IQSEC1: variants seen among roughly 807,000 people sequenced by gnomAD.
The protein encoded by IQSEC1 is IQ motif and SEC7 domain-containing protein 1.
Under a neutral mutation model 91.0 loss-of-function variants are expected in IQSEC1, and 31 were observed. The observed-to-expected ratio is 0.34, with a 90% CI of 0.26 to 0.46. The LOEUF (loss-of-function observed/expected upper bound fraction) is 0.46, where lower values mean the gene tolerates loss of function less well. Among genes scored for constraint, IQSEC1 ranks in the 20% least tolerant of loss-of-function variants. IQSEC1 has a pLI of 1.00. For synonymous variants in IQSEC1, 699 were observed against 662.6 expected (o/e 1.05, Z -0.84); for missense variants, 1,388 against 1,575.6 (o/e 0.88, Z 2.02).
At chr3:13,086,169 G>A (rs1433893369) in intron 2 of IQSEC1, among the ~76,000 whole-genome samples, 1 of 152,242 alleles carries the variant, frequency 6.6e-6, no homozygotes, top group Non-Finnish European at 1.5e-5. Context: ...CTTGCCTGCT[G>A]TATGACCCTG....
chr3:13,199,316 G>T (rs1358071986), intron 1 of IQSEC1, among the ~76,000 whole-genome samples: 1 of 152,194 alleles, frequency 6.6e-6, no homozygotes, highest in African/African-American at 2.4e-5. Context: ...GACAGCTTGG[G>T]CTGGGGACTC....
At chr3:13,015,252 C>T (rs929292628) in intron 1 of IQSEC1, among the ~76,000 whole-genome samples, 2 of 152,138 alleles carry the variant, frequency 1.3e-5, no homozygotes, top group Non-Finnish European at 2.9e-5. Context: ...GGCAGCGACC[C>T]AACACTCCCT....
chr3:13,203,860 T>A (rs575509583), intron 1 of IQSEC1, among the ~76,000 whole-genome samples: 6 of 152,168 alleles, frequency 3.9e-5, no homozygotes, highest in Non-Finnish European at 8.8e-5. Context: ...ACCTAACACG[T>A]GCGGGGCCCT....
chr3:13,150,706 G>T (rs1425250373), intron 2 of IQSEC1, among the ~76,000 whole-genome samples: 1 of 152,172 alleles, frequency 6.6e-6, no homozygotes, highest in Non-Finnish European at 1.5e-5. Flanking sequence ...ACAGTGGGTG[G>T]GAGCTGAGTG....
At position 12,913,423 on chromosome 3, in the gene IQSEC1, C is replaced by T. The variant is rs1258075560; in HGVS notation, c.2316+5G>A. The T allele has an allele frequency of 1.1e-5, 17 of 1,588,706 alleles. No homozygotes were observed. Among genetic ancestry groups the T allele is most frequent in the Non-Finnish European group, 1.5e-5 (17 of 1,164,926 alleles). On this transcript the variant is annotated splice_donor_5th_base_variant and intron_variant, in intron 9 of 13. Coordinates refer to ENST00000613206, the MANE Select transcript of IQSEC1 (RefSeq NM_001134382.3). ...GCTACAATGCCTTGTGGGTGAGCCA[C>T]ATACCACCAGGAGGTCGTTGAACAG...
chr3:12,921,663 T>C (rs1258099083), intron 5 of IQSEC1, among the ~76,000 whole-genome samples: 1 of 151,968 alleles, frequency 6.6e-6, no homozygotes, highest in African/African-American at 2.4e-5. Context: ...ACAGAGCCGG[T>C]AAGTGGTAGA....
chr3:13,141,092 G>C (rs1438269218), intron 2 of IQSEC1, among the ~76,000 whole-genome samples: 4 of 152,236 alleles, frequency 2.6e-5, no homozygotes, highest in Admixed American at 6.5e-5. Context: ...TTTCCTACGA[G>C]CACGGAAAAT....
chr3:12,953,542 C>T (rs1453732884), intron 1 of IQSEC1, among the ~76,000 whole-genome samples: 1 of 152,220 alleles, frequency 6.6e-6, no homozygotes, highest in Non-Finnish European at 1.5e-5. Context: ...AAGCGGGAGG[C>T]TATTTTTAGA....
chr3:13,185,790 A>G (rs1457218286), intron 1 of IQSEC1, among the ~76,000 whole-genome samples: 4 of 152,252 alleles, frequency 2.6e-5, no homozygotes, highest in Non-Finnish European at 5.9e-5. Flanking sequence ...TTGACACACC[A>G]GGAGATCCAT....
chr3:13,022,099 A>G (rs1576178720), intron 1 of IQSEC1: 1 of 1,231,474 alleles, frequency 8.1e-7, no homozygotes, highest in African/African-American at 1.6e-5. Context: ...ATACCCCTTC[A>G]TGCCTGGCTC....
At chr3:13,141,004 C>A (rs1444332423) in intron 2 of IQSEC1, among the ~76,000 whole-genome samples, 1 of 152,238 alleles carries the variant, frequency 6.6e-6, no homozygotes, top group Non-Finnish European at 1.5e-5. Context: ...GACCCTCTGA[C>A]AGGGAGGGCA....
chr3:13,192,752 C>T (rs1404549586), intron 1 of IQSEC1, among the ~76,000 whole-genome samples: 2 of 152,268 alleles, frequency 1.3e-5, no homozygotes, highest in African/African-American at 2.4e-5. Context: ...CCAAACTCCA[C>T]TTCTTGTGTA....
intron 1 of IQSEC1, among the ~76,000 whole-genome samples, chr3:12,985,072 C>T (rs1295925661): frequency 6.6e-6 from 1 of 152,158 alleles, no homozygotes; most frequent in Non-Finnish European, 1.5e-5. Flanking sequence ...GATCCGCCCA[C>T]CTCGGCCTCC....
At chr3:13,032,930 G>A (rs1216901354) in intron 1 of IQSEC1, among the ~76,000 whole-genome samples, 4 of 152,258 alleles carry the variant, frequency 2.6e-5, no homozygotes, top group East Asian at 1.9e-4. Flanking sequence ...ACATGTCCCC[G>A]TCAACCCTCA....
At chr3:12,973,395 G>A (rs746196) in intron 1 of IQSEC1, among the ~76,000 whole-genome samples, 39,290 of 151,994 alleles carry the variant, frequency 0.26, 5,948 homozygotes, top group Admixed American at 0.33. Context: ...TCTCTTTGAG[G>A]CCTCCCCTAA....
chr3:12,938,912 G>A (rs750716433), intron 2 of IQSEC1, among the ~76,000 whole-genome samples: 5 of 152,164 alleles, frequency 3.3e-5, no homozygotes, highest in Non-Finnish European at 7.4e-5. Context: ...CCTCCCCCAG[G>A]GGGACACACA....
chr3:13,122,331 A>G (rs551323919), intron 2 of IQSEC1, among the ~76,000 whole-genome samples: 1 of 152,378 alleles, frequency 6.6e-6, no homozygotes, highest in East Asian at 1.9e-4. Flanking sequence ...GTGGCAGGGC[A>G]GGTGGCCAGG....
At chr3:13,138,594 A>C (rs1241434900) in intron 2 of IQSEC1, among the ~76,000 whole-genome samples, 1 of 152,018 alleles carries the variant, frequency 6.6e-6, no homozygotes, top group African/African-American at 2.4e-5. Flanking sequence ...CTGTACTTGG[A>C]AATAGCTTGA....
chr3:13,106,403 A>G (rs1576252785), intron 2 of IQSEC1, among the ~76,000 whole-genome samples: 2 of 152,158 alleles, frequency 1.3e-5, no homozygotes, highest in Admixed American at 1.3e-4. Flanking sequence ...GACCTGGGGT[A>G]ATCAGAGTCT....
Sources: gnomAD v4.1 joint callset for allele counts (sites outside exome capture counted in the v4.1 genomes callset) on GRCh38, gnomAD v4.1.1 for gene constraint, MANE v1.5 for transcripts, NCBI Gene and HGNC (gene_info 2026-07-23, HGNC 2026-07-21) for gene names.